Variants in SEMA4D observed in about 807,000 individuals in gnomAD.
The protein encoded by SEMA4D is semaphorin 4D, also known as semaphorin-4D.
A neutral mutation model predicts 74.8 loss-of-function variants in SEMA4D; 22 were observed. The observed-to-expected ratio is 0.29, with a 90% confidence interval of 0.21 to 0.42. The LOEUF (loss-of-function observed/expected upper bound fraction) is 0.42. Among genes scored for constraint, SEMA4D ranks in the 10% least tolerant of loss-of-function variants. The probability of loss-of-function intolerance (pLI) is 1.00; values close to 1 mark genes in which losing one functional copy is unlikely to be tolerated. For missense variants in SEMA4D, 937 were observed against 1,118.4 expected, an observed-to-expected ratio of 0.84 and a Z score of 2.31; for synonymous variants, 445 against 463.7, an observed-to-expected ratio of 0.96 and a Z score of 0.52.
At chr9:89,414,812 G>A (rs149255981) in intron 2 of SEMA4D, among the ~76,000 whole-genome samples, 4 of 152,232 alleles carry the variant, frequency 2.6e-5, no homozygotes, top group African/African-American at 9.7e-5. Context: ...GCAGCTGCCA[G>A]GACCAGTCTA....
chr9:89,363,990 AG>A (rs1554730108), intron 16 of SEMA4D: 35 of 1,613,858 alleles, frequency 2.2e-5, no homozygotes, highest in Non-Finnish European at 3.0e-5. Context: ...GTCCACATTT[AG>A]GACCCAAAGA....
Position 89,415,076 on chromosome 9 carries a change from G to A in SEMA4D, c.-243-9377C>T, listed in dbSNP as rs1344778385. 2.6e-5 allele frequency among the ~76,000 whole-genome samples: 4 copies of A among 152,310 alleles called. No individual in the cohort carries two copies. In the East Asian group the frequency reaches 7.7e-4, roughly 29 times the overall value. On this transcript the variant is annotated intron_variant, in intron 2 of 15. Transcript: ENST00000422704. ...CAGGGCCCTTCAGAGGAAGGGTGGG[G>A]ACCCCTCTAAGCAGCAGCCAGCATG... is the stretch of plus-strand genomic sequence containing the variant.
At chr9:89,386,206 C>T (rs552767771) in intron 13 of SEMA4D, 161 bp downstream of exon 13, 5 of 584,840 alleles carry the variant, frequency 8.5e-6, no homozygotes, top group African/African-American at 2.0e-5. Context: ...CCACAGCTCA[C>T]GGAATGGCTC....
At chr9:89,363,697 AATTACCTC>A (rs756131873) in intron 17 of SEMA4D, 1 of 1,598,706 alleles carries the variant, frequency 6.3e-7, no homozygotes, top group Admixed American at 1.7e-5. Context: ...AATAGTGAAA[AATTACCTC>A]ATAAAAGGGT....
At chr9:89,430,237 G>T (rs1471719839) in intron 2 of SEMA4D, among the ~76,000 whole-genome samples, 1 of 151,930 alleles carries the variant, frequency 6.6e-6, no homozygotes, top group African/African-American at 2.4e-5. Context: ...TCCCACTTGG[G>T]GCCAGAAACT....
chr9:89,446,505 C>T (rs1256504765), intron 2 of SEMA4D, among the ~76,000 whole-genome samples: 1 of 152,230 alleles, frequency 6.6e-6, no homozygotes, highest in Non-Finnish European at 1.5e-5. Flanking sequence ...CCCAGCCCAA[C>T]ATGGGCTAAA....
rs753181981 is a variant in SEMA4D at position 89,386,435 on chromosome 9, T to C, written c.1378A>G (p.Ile460Val). Residue 460 changes from isoleucine (I) to valine (V), a missense_variant, in exon 13 of 16, where the codon ATC becomes GTC. By Grantham distance (29) the Ile-to-Val change is conservative (BLOSUM62 3). Coordinates refer to ENST00000422704, the MANE Select transcript of SEMA4D (RefSeq NM_001371194.2). The part of the protein sequence containing the change: ...KAISLEHAVH[I>V]IEETQLFQDF... ...TGGAAGAGCTGGGTCTCCTCGATGA[T>C]GTGAACAGCGTGCTCGAGGCTGATG... The C allele has an allele frequency of 1.9e-6, 3 of 1,614,028 alleles. No homozygotes were observed. Among genetic ancestry groups the C allele is most frequent in the African/African-American group, 2.7e-5 (2 of 74,920 alleles).
downstream of SEMA4D, among the ~76,000 whole-genome samples, chr9:89,375,572 A>T (rs1034475551): frequency 1.3e-5 from 2 of 152,206 alleles, no homozygotes; most frequent in Non-Finnish European, 2.9e-5. Context: ...AACATGTTTA[A>T]AAAGAGAGCA....
At chr9:89,461,771 C>T (rs755437285) in intron 1 of SEMA4D, among the ~76,000 whole-genome samples, 189 of 139,758 alleles carry the variant, frequency 1.4e-3, no homozygotes, top group Middle Eastern at 4.0e-3. Flanking sequence ...GGTGCGATCT[C>T]GGCTCACTGG....
intron 16 of SEMA4D, chr9:89,369,158 T>C (rs908236700): frequency 6.6e-6 from 1 of 151,150 alleles, no homozygotes; most frequent in Non-Finnish European, 1.5e-5. Flanking sequence ...CTTTCAAGAG[T>C]CTGAAACAAA....
intron 9 of SEMA4D, among the ~76,000 whole-genome samples, chr9:89,389,301 G>C (rs936686801): frequency 6.6e-6 from 1 of 152,230 alleles, no homozygotes; most frequent in Non-Finnish European, 1.5e-5. Flanking sequence ...CTCACTGAAA[G>C]CTCATTTGAT....
At chr9:89,417,039 C>T (rs1166337977) in intron 2 of SEMA4D, among the ~76,000 whole-genome samples, 1 of 152,148 alleles carries the variant, frequency 6.6e-6, no homozygotes, top group African/African-American at 2.4e-5. Flanking sequence ...TCCTCCTGGG[C>T]TCTCACAATG....
intron 1 of SEMA4D, among the ~76,000 whole-genome samples, chr9:89,466,819 G>A (rs552136550): frequency 1.3e-5 from 2 of 152,284 alleles, no homozygotes; most frequent in Admixed American, 1.3e-4. Context: ...TGCACATGAC[G>A]ATGACCAATA....
chr9:89,444,371 C>T (rs537394133), intron 2 of SEMA4D, among the ~76,000 whole-genome samples: 2 of 152,278 alleles, frequency 1.3e-5, no homozygotes, highest in South Asian at 2.1e-4. Flanking sequence ...TCACAAAGCA[C>T]GTCATCACAC....
rs1206561926 is a variant in SEMA4D at position 89,492,375 on chromosome 9, T to C, written c.-310+5544A>G. 2.0e-5 allele frequency among the ~76,000 whole-genome samples: 3 copies of C among 152,110 alleles called. No individual in the cohort carries two copies. Among genetic ancestry groups the C allele is most frequent in the African/African-American group, 7.2e-5 (3 of 41,396 alleles). On this transcript the variant is annotated intron_variant, in intron 1 of 15. Transcript: ENST00000422704. The surrounding 1 kb of genome is among the most constrained non-coding windows in gnomAD (Gnocchi z 4.3). ...GCTCAGTCCTCGGACCTCTTCTCTTTTCCATCTACCTCAACTCCCTAGTGG... is the reference window on the plus strand; with the variant it reads ...GCTCAGTCCTCGGACCTCTTCTCTTCTCCATCTACCTCAACTCCCTAGTGG...
rs1006608482 is a variant in SEMA4D at position 89,445,157 on chromosome 9, T to G, written c.-244+10731A>C. On this transcript the variant is annotated intron_variant, in intron 2 of 15. Transcript: ENST00000422704. ...AGGTGCTGGAACAGGGAGCTCCCTG[T>G]GCTCACAGGGAAAGGATGAACTGTT... Among the ~76,000 whole-genome samples, 4 of 152,306 alleles carry G rather than the reference T, an allele frequency of 2.6e-5. No individual in the cohort carries two copies. In the East Asian group the frequency reaches 7.7e-4, roughly 29 times the overall value.
At chr9:89,363,956 G>A in intron 16 of SEMA4D, 1 of 1,614,026 alleles carries the variant, frequency 6.2e-7, no homozygotes, top group Non-Finnish European at 8.5e-7. Flanking sequence ...AGGACCTGGG[G>A]ACACAGACCG....
chr9:89,371,811 G>T (rs574953733), intron 16 of SEMA4D, among the ~76,000 whole-genome samples: 3 of 66,180 alleles, frequency 4.5e-5, no homozygotes, highest in South Asian at 1.2e-3. Context: ...GTGTGTGGGG[G>T]GTGTGTGTGT....
At chr9:89,466,963 T>C (rs1359455850) in intron 1 of SEMA4D, among the ~76,000 whole-genome samples, 1 of 152,230 alleles carries the variant, frequency 6.6e-6, no homozygotes, top group African/African-American at 2.4e-5. Flanking sequence ...CCTGTTACTC[T>C]TTTACAAGCA....
Sources: allele counts gnomAD v4.1 joint callset (sites outside exome capture counted in the v4.1 genomes callset), GRCh38; gene constraint gnomAD v4.1.1; non-coding constraint Gnocchi (gnomAD v3.1); transcripts MANE v1.5; gene names NCBI Gene and HGNC (gene_info 2026-07-23, HGNC 2026-07-21).